TENT4A: variants seen among roughly 807,000 people sequenced by gnomAD.
The protein encoded by TENT4A is terminal nucleotidyltransferase 4A.
Under a neutral mutation model 72.8 loss-of-function variants are expected in TENT4A, and 7 were observed. That is an observed-to-expected ratio of 0.10 (90% CI 0.05 to 0.18). The LOEUF is 0.18. TENT4A is among the 10% of genes least tolerant of loss of function. The probability of loss-of-function intolerance (pLI) is 1.00; values close to 1 mark genes in which losing one functional copy is unlikely to be tolerated. For synonymous variants in TENT4A, 456 were observed against 434.3 expected, an observed-to-expected ratio of 1.05 and a Z score of -0.62; for missense variants, 831 against 1,017.7, an observed-to-expected ratio of 0.82 and a Z score of 2.50.
intron 7 of TENT4A, 149 bp from the exon 8 acceptor site, chr5:6,748,315 T>G: frequency 1.2e-5 from 12 of 992,008 alleles, no homozygotes; most frequent in East Asian, 2.5e-5. Flanking sequence ...CCCGTGCCCA[T>G]TGTGTTCGCC....
At chr5:6,722,501 A>G (rs942145058) in intron 1 of TENT4A, among the ~76,000 whole-genome samples, 1 of 151,016 alleles carries the variant, frequency 6.6e-6, no homozygotes, top group Non-Finnish European at 1.5e-5. Flanking sequence ...ACATTTTAAC[A>G]ATGCCTTAAT....
At chr5:6,715,132 CT>C (rs1740301004) in intron 1 of TENT4A, 1 of 152,660 alleles carries the variant, frequency 6.6e-6, no homozygotes, top group Admixed American at 6.5e-5. Flanking sequence ...AAATATTAAC[CT>C]TTTTAATTTC....
chr5:6,741,649 G>A (rs1262582814), intron 4 of TENT4A, among the ~76,000 whole-genome samples: 1 of 152,234 alleles, frequency 6.6e-6, no homozygotes, highest in Admixed American at 6.5e-5. Context: ...GGTGACTCTG[G>A]CCCCACTGGC....
At chr5:6,738,910 C>G (rs1403144452) in intron 3 of TENT4A, among the ~76,000 whole-genome samples, 181 bp downstream of exon 3, 1 of 152,212 alleles carries the variant, frequency 6.6e-6, no homozygotes, top group Non-Finnish European at 1.5e-5. Context: ...ATGATGAATT[C>G]ATTGCTTTGC....
chr5:6,752,021 T>C (rs1471487368), intron 11 of TENT4A, among the ~76,000 whole-genome samples: 6 of 152,226 alleles, frequency 3.9e-5, no homozygotes, highest in African/African-American at 1.4e-4. Context: ...GTAACGTGTC[T>C]AATTGCAGCA....
chr5:6,723,629 C>T (rs1014256419), intron 1 of TENT4A, among the ~76,000 whole-genome samples: 5 of 152,148 alleles, frequency 3.3e-5, no homozygotes, highest in East Asian at 1.9e-4. Context: ...CGCTAACATG[C>T]GGGGGATGGA....
At chr5:6,726,376 C>A (rs1274948721) in intron 1 of TENT4A, among the ~76,000 whole-genome samples, 1 of 152,144 alleles carries the variant, frequency 6.6e-6, no homozygotes, top group African/African-American at 2.4e-5. Context: ...GGACTGCTGC[C>A]TGAGATTTCT....
chr5:6,720,994 C>A (rs6890920), intron 1 of TENT4A, among the ~76,000 whole-genome samples: 2 of 152,184 alleles, frequency 1.3e-5, no homozygotes, highest in East Asian at 3.9e-4. Flanking sequence ...AGCACTGTGC[C>A]TCCTTTAGGA....
chr5:6,749,368 G>A (rs1237053150), intron 8 of TENT4A, among the ~76,000 whole-genome samples, 189 bp from the exon 9 acceptor site: 2 of 152,212 alleles, frequency 1.3e-5, no homozygotes, highest in South Asian at 4.1e-4. Context: ...GATGTACTGC[G>A]ATCCCAGGGT....
chr5:6,741,387 G>A (rs561993570), intron 4 of TENT4A, among the ~76,000 whole-genome samples: 3 of 152,246 alleles, frequency 2.0e-5, no homozygotes, highest in African/African-American at 7.2e-5. Context: ...CCAGGATTTG[G>A]GGTTCCTGCC....
chr5:6,736,366 G>C (rs555751980), intron 1 of TENT4A, among the ~76,000 whole-genome samples: 1 of 152,360 alleles, frequency 6.6e-6, no homozygotes, highest in South Asian at 2.1e-4. Context: ...GGCAGGTCCT[G>C]TAAGAGGTGC....
Position 6,756,665 on chromosome 5 carries a change from A to T in TENT4A, c.*1720A>T, listed in dbSNP as rs1742718576. Reference sequence around the variant, plus strand: ...TCTCGATGACCGAAAGTTATCAAAAATATTTAAAATATTTAAATTGTGAAC... The same window carrying T: ...TCTCGATGACCGAAAGTTATCAAAATTATTTAAAATATTTAAATTGTGAAC... On this transcript the variant is annotated 3_prime_UTR_variant, in exon 13 of 13. Coordinates refer to ENST00000230859, the MANE Select transcript of TENT4A (RefSeq NM_006999.6). 6.6e-6 allele frequency: 1 copy of T among 152,606 alleles called. No individual in the cohort carries two copies. 9.5% of individuals were successfully genotyped at this position (152,606 alleles called of 1,614,324 possible).
chr5:6,753,811 G>C (rs1742544489), intron 12 of TENT4A, among the ~76,000 whole-genome samples: 1 of 152,158 alleles, frequency 6.6e-6, no homozygotes, highest in Non-Finnish European at 1.5e-5. Flanking sequence ...ATTGTTTTTA[G>C]GAGTTAAGTA....
At chr5:6,747,744 C>G (rs887378050) in intron 7 of TENT4A, among the ~76,000 whole-genome samples, 22 of 152,182 alleles carry the variant, frequency 1.4e-4, no homozygotes, top group Non-Finnish European at 1.5e-5. Flanking sequence ...AGATAAAACT[C>G]CAGTACTTAG....
intron 1 of TENT4A, among the ~76,000 whole-genome samples, chr5:6,734,772 C>T (rs1741390863): frequency 6.6e-6 from 1 of 152,214 alleles, no homozygotes; most frequent in Non-Finnish European, 1.5e-5. Context: ...CTGCTAGGAG[C>T]ATGGGCAGGC....
chr5:6,720,676 AAATAAAT>A (rs1394494717), intron 1 of TENT4A, among the ~76,000 whole-genome samples: 4 of 20,236 alleles, frequency 2.0e-4, no homozygotes, highest in African/African-American at 6.5e-4. Context: ...CTCTGTCTCA[AAATAAAT>A]AAATAAATAA....
intron 1 of TENT4A, among the ~76,000 whole-genome samples, chr5:6,731,604 ATCACCAC>A (rs1403442410): frequency 6.6e-6 from 1 of 151,408 alleles, no homozygotes; most frequent in Non-Finnish European, 1.5e-5. Flanking sequence ...CAGTGGTGTA[ATCACCAC>A]TCACTGTAGC....
At position 6,752,861 on chromosome 5, in the gene TENT4A, T is replaced by C. The variant is rs1283878856; in HGVS notation, c.2020-12T>C. On this transcript the variant is annotated splice_polypyrimidine_tract_variant and intron_variant, in intron 11 of 12. Coordinates refer to ENST00000230859, the MANE Select transcript of TENT4A (RefSeq NM_006999.6). ...CTTTGGTACCCATGGCCGTCTCTCA[T>C]TTTGTTCCTAGACCAGGTTTACTAT... is the stretch of plus-strand genomic sequence containing the variant. 6.2e-7 allele frequency: 1 copy of C among 1,607,096 alleles called. No individual in the cohort carries two copies. Among genetic ancestry groups the C allele is most frequent in the Non-Finnish European group, 8.5e-7 (1 of 1,174,074 alleles).
At chr5:6,731,593 G>A (rs1009161598) in intron 1 of TENT4A, among the ~76,000 whole-genome samples, 1 of 150,998 alleles carries the variant, frequency 6.6e-6, no homozygotes, top group Non-Finnish European at 1.5e-5. Context: ...AGACTAGAGT[G>A]CAGTGGTGTA....
Sources: gnomAD v4.1 joint callset for allele counts (sites outside exome capture counted in the v4.1 genomes callset) on GRCh38, gnomAD v4.1.1 for gene constraint, MANE v1.5 for transcripts, NCBI Gene and HGNC (gene_info 2026-07-23, HGNC 2026-07-21) for gene names.